The following DGKB variants were observed in gnomAD, a reference collection of about 807,000 sequenced individuals.
The protein encoded by DGKB is diacylglycerol kinase beta.
Under a neutral mutation model 114.3 loss-of-function variants are expected in DGKB, and 67 were observed. The observed-to-expected ratio is 0.59, with a 90% confidence interval of 0.48 to 0.72. The LOEUF (loss-of-function observed/expected upper bound fraction) is 0.72. Among genes scored for constraint, DGKB ranks in the 30% least tolerant of loss-of-function variants. The pLI is 0.00. For missense variants in DGKB, 907 were observed against 975.2 expected (o/e 0.93, Z 0.93); for synonymous variants, 398 against 323.1 (o/e 1.23, Z -2.49).
intron 20 of DGKB, among the ~76,000 whole-genome samples, chr7:14,535,666 C>G (rs959694386): frequency 2.0e-5 from 3 of 152,142 alleles, no homozygotes; most frequent in Admixed American, 6.5e-5. Flanking sequence ...CAGCTTACTG[C>G]AACCTCCGCC....
intron 1 of DGKB, among the ~76,000 whole-genome samples, chr7:14,959,671 C>T (rs1026171552): frequency 1.3e-5 from 2 of 151,376 alleles, no homozygotes; most frequent in Non-Finnish European, 2.9e-5. Flanking sequence ...TTAAGAATTT[C>T]ATTTCTGGAG....
At chr7:14,862,013 A>G (rs1851052500) in intron 1 of DGKB, among the ~76,000 whole-genome samples, 1 of 152,048 alleles carries the variant, frequency 6.6e-6, no homozygotes, top group Admixed American at 6.6e-5. Flanking sequence ...CCACATTATC[A>G]TCAATACTTG....
chr7:14,710,197 T>G (rs2128332117), intron 6 of DGKB, among the ~76,000 whole-genome samples: 1 of 152,226 alleles, frequency 6.6e-6, no homozygotes, highest in South Asian at 2.1e-4. Context: ...CTCTCAATAA[T>G]ATTTCATATT....
At chr7:14,856,258 A>C (rs545240921) in intron 1 of DGKB, among the ~76,000 whole-genome samples, 1 of 152,102 alleles carries the variant, frequency 6.6e-6, no homozygotes, top group Non-Finnish European at 1.5e-5. Context: ...TTTGAAAACT[A>C]CCTCAGTAGA....
chr7:14,655,909 G>T (rs1336979249), intron 13 of DGKB, among the ~76,000 whole-genome samples: 4 of 151,530 alleles, frequency 2.6e-5, no homozygotes, highest in Non-Finnish European at 5.9e-5. Flanking sequence ...AGAGAAGTTG[G>T]TTAACTGATA....
chr7:14,597,952 T>A (rs1429689872), intron 17 of DGKB, among the ~76,000 whole-genome samples: 1 of 152,168 alleles, frequency 6.6e-6, no homozygotes, highest in Non-Finnish European at 1.5e-5. Context: ...AAGCACAATC[T>A]TTTTTATCAA....
chr7:14,779,214 C>T (rs1038431685), intron 2 of DGKB, among the ~76,000 whole-genome samples: 81 of 152,054 alleles, frequency 5.3e-4, no homozygotes, highest in African/African-American at 1.7e-3. Flanking sequence ...ACATAGTTGC[C>T]CTGTTTTAAC....
At chr7:14,605,514 G>T (rs1277197429) in intron 17 of DGKB, among the ~76,000 whole-genome samples, 1 of 151,712 alleles carries the variant, frequency 6.6e-6, no homozygotes, top group African/African-American at 2.4e-5. Context: ...GAGTAGTAGT[G>T]CTCAAAGTGG....
intron 5 of DGKB, among the ~76,000 whole-genome samples, chr7:14,720,726 C>G (rs910073282): frequency 6.6e-6 from 1 of 151,642 alleles, no homozygotes; most frequent in African/African-American, 2.4e-5. Flanking sequence ...ATAAAGTTAT[C>G]AACAGAGACA....
intron 25 of DGKB, among the ~76,000 whole-genome samples, chr7:14,175,159 C>T (rs1781540418): frequency 6.6e-6 from 1 of 152,130 alleles, no homozygotes; most frequent in African/African-American, 2.4e-5. Flanking sequence ...ATTTTAGTTC[C>T]ATATCTACTT....
chr7:14,158,327 C>T (rs1783347299), intron 25 of DGKB, among the ~76,000 whole-genome samples: 1 of 152,164 alleles, frequency 6.6e-6, no homozygotes, highest in Non-Finnish European at 1.5e-5. Flanking sequence ...CTCCCTGTGG[C>T]ACCTGGCAGC....
chr7:14,892,176 T>C (rs903876955), intron 1 of DGKB, among the ~76,000 whole-genome samples: 1 of 151,330 alleles, frequency 6.6e-6, no homozygotes, highest in Non-Finnish European at 1.5e-5. Context: ...GAGAGCAATG[T>C]TATCACTTAG....
intron 12 of DGKB, among the ~76,000 whole-genome samples, chr7:14,673,764 G>C (rs1819394770): frequency 6.6e-6 from 1 of 151,974 alleles, no homozygotes; most frequent in Non-Finnish European, 1.5e-5. Context: ...TGAGATGGTA[G>C]TTTTTTAAAG....
intron 23 of DGKB, among the ~76,000 whole-genome samples, chr7:14,193,040 G>A (rs1031135495): frequency 2.0e-5 from 3 of 152,004 alleles, no homozygotes; most frequent in Non-Finnish European, 2.9e-5. Context: ...GTGATGGGGA[G>A]CAGCTATAAA....
intron 1 of DGKB, among the ~76,000 whole-genome samples, chr7:14,847,767 C>A (rs934608337): frequency 6.6e-6 from 1 of 152,158 alleles, no homozygotes; most frequent in African/African-American, 2.4e-5. Context: ...GAGAGCAATT[C>A]AGAAAGCCAG....
intron 8 of DGKB, among the ~76,000 whole-genome samples, chr7:14,697,389 G>A (rs1255381767): frequency 1.3e-5 from 2 of 152,232 alleles, no homozygotes; most frequent in South Asian, 2.1e-4. Context: ...GATGCACTGT[G>A]CATGGAAAAC....
At chr7:14,783,249 C>T (rs193165954) in intron 2 of DGKB, among the ~76,000 whole-genome samples, 1 of 152,110 alleles carries the variant, frequency 6.6e-6, no homozygotes. Flanking sequence ...GGCACATCTA[C>T]AGGATATGGT....
chr7:14,349,998 T>G lies in DGKB; in HGVS notation c.1836-4607A>C, dbSNP rs1813158152. ...AAGGTTCTGTAAACCTCACAAAAGT[T>G]ATTCATGTAATTATTATTTGAATTA... On this transcript the variant is annotated intron_variant, in intron 21 of 25. Transcript: ENST00000402815. 2.6e-5 allele frequency among the ~76,000 whole-genome samples: 4 copies of G among 152,166 alleles called. No individual in the cohort carries two copies. In the South Asian group the frequency reaches 8.3e-4, roughly 32 times the overall value.
chr7:14,416,575 G>T (rs1289474280), intron 21 of DGKB, among the ~76,000 whole-genome samples: 1 of 151,858 alleles, frequency 6.6e-6, no homozygotes. Context: ...TGAATCATGG[G>T]GGTGGTTTCC....
Sources: allele counts gnomAD v4.1 joint callset (sites outside exome capture counted in the v4.1 genomes callset), GRCh38; gene constraint gnomAD v4.1.1; transcripts MANE v1.5; gene names NCBI Gene and HGNC (gene_info 2026-07-23, HGNC 2026-07-21).